PSMG4: variants seen among roughly 807,000 people sequenced by gnomAD.
The protein encoded by PSMG4 is proteasome (prosome, macropain) assembly chaperone 4.
A neutral mutation model predicts 11.0 loss-of-function variants in PSMG4; 10 were observed. The observed-to-expected ratio is 0.91, with a 90% CI of 0.56 to 1.54. The LOEUF (loss-of-function observed/expected upper bound fraction) is 1.54, where lower values mean the gene tolerates loss of function less well. Among genes scored for constraint, PSMG4 ranks in the 40% most tolerant of loss-of-function variants. PSMG4 has a pLI of 0.00. For missense variants in PSMG4, 198 were observed against 160.9 expected (o/e 1.23, Z -1.25); for synonymous variants, 95 against 71.3 (o/e 1.33, Z -1.68).
At chr6:3,255,038 A>AT (rs528094237), upstream of PSMG4, 120 of 1,549,664 alleles carry the variant, frequency 7.7e-5, no homozygotes, top group Non-Finnish European at 9.9e-5. Context: ...GCGCTTTCTG[A>AT]TTCTCTGGAC....
chr6:3,258,872 C>G, upstream of PSMG4: 2 of 728,896 alleles, frequency 2.7e-6, no homozygotes, highest in Non-Finnish European at 1.9e-6. Context: ...CCCGGGATCG[C>G]CCCTCCCCGA....
upstream of PSMG4, among the ~76,000 whole-genome samples, chr6:3,257,568 T>C (rs879578374): frequency 6.6e-6 from 1 of 152,064 alleles, no homozygotes; most frequent in Non-Finnish European, 1.5e-5. Flanking sequence ...TGCTTAGTAA[T>C]ACAAAGACAC....
upstream of PSMG4, among the ~76,000 whole-genome samples, chr6:3,256,013 T>C (rs1016535285): frequency 6.6e-6 from 1 of 152,216 alleles, no homozygotes. Context: ...TGCTTCTTGG[T>C]TGGGTTTATA....
At chr6:3,254,670 C>T (rs180706924), upstream of PSMG4, among the ~76,000 whole-genome samples, 16 of 152,208 alleles carry the variant, frequency 1.1e-4, no homozygotes, top group African/African-American at 2.9e-4. Flanking sequence ...CTTCAAGCTG[C>T]GAAACCACTA....
At chr6:3,255,398 C>T (rs1451527136), upstream of PSMG4, among the ~76,000 whole-genome samples, 1 of 152,192 alleles carries the variant, frequency 6.6e-6, no homozygotes, top group African/African-American at 2.4e-5. Flanking sequence ...GATAACATGA[C>T]AAGGATTTTC....
At chr6:3,260,685 A>G (rs1757958002) in intron 1 of PSMG4, among the ~76,000 whole-genome samples, 1 of 152,236 alleles carries the variant, frequency 6.6e-6, no homozygotes, top group Admixed American at 6.5e-5. Context: ...GTTTACAAAC[A>G]AGGTCACATT....
chr6:3,262,880 T>G (rs1758046226), intron 1 of PSMG4, among the ~76,000 whole-genome samples: 1 of 152,098 alleles, frequency 6.6e-6, no homozygotes, highest in African/African-American at 2.4e-5. Context: ...AGATCTTACT[T>G]CATTGTCCAG....
At chr6:3,265,797 C>T (rs1248764777) in intron 2 of PSMG4, 1 of 152,254 alleles carries the variant, frequency 6.6e-6, no homozygotes. Context: ...GCACAACTCT[C>T]CGCCTCGGGG....
rs1392143869 is a variant in PSMG4 at position 3,258,989 on chromosome 6, G to A, written c.-34G>A. 5.6e-6 allele frequency: 7 copies of A among 1,239,682 alleles called. No homozygotes were observed. Among genetic ancestry groups the A allele is most frequent in the Admixed American group, 4.2e-5 (1 of 23,692 alleles). The allele number at this position is 1,239,682 out of a possible 1,614,324, so 76.8% of individuals were successfully genotyped here. On this transcript the variant is annotated 5_prime_UTR_variant, in exon 1 of 3. Transcript: ENST00000438998. ...GGGGCTGGCAGCGGCGAGGACCCGGGTCTGGCGCTGTGGGCCGGGAGCCGT... is the reference window on the plus strand; with the variant it reads ...GGGGCTGGCAGCGGCGAGGACCCGGATCTGGCGCTGTGGGCCGGGAGCCGT...
chr6:3,260,277 G>T (rs4959784), intron 1 of PSMG4, among the ~76,000 whole-genome samples: 78,980 of 109,686 alleles, frequency 0.72, 29,567 homozygotes, highest in Non-Finnish European at 0.82. Context: ...GTCTTAAATT[G>T]TATATATATA....
intron 2 of PSMG4, chr6:3,264,064 A>G (rs1758093725): frequency 6.9e-7 from 1 of 1,443,216 alleles, no homozygotes; most frequent in African/African-American, 1.4e-5. Flanking sequence ...ACCTCCTGGG[A>G]GGAGAGCATG....
chr6:3,264,361 AGTGCCT>A, intron 2 of PSMG4: 1 of 1,538,208 alleles, frequency 6.5e-7, no homozygotes, highest in Non-Finnish European at 8.8e-7. Flanking sequence ...CCCCAGCCCC[AGTGCCT>A]GTGGCCAGTG....
Position 3,263,775 on chromosome 6 carries a change from T to G in PSMG4, c.250+16T>G, listed in dbSNP as rs1248185135. ...CAGCGCCTAGGTATGTACCCACAGCTGGCGCTGCATGGCCAGCCAGGTGGG... is the reference window on the plus strand; with the variant it reads ...CAGCGCCTAGGTATGTACCCACAGCGGGCGCTGCATGGCCAGCCAGGTGGG... On this transcript the variant is annotated intron_variant, in intron 2 of 2. Transcript: ENST00000438998. 5 of 1,547,196 alleles carry G rather than the reference T, an allele frequency of 3.2e-6. No homozygotes were observed. Among genetic ancestry groups the G allele is most frequent in the Non-Finnish European group, 4.4e-6 (5 of 1,144,592 alleles).
intron 1 of PSMG4, among the ~76,000 whole-genome samples, chr6:3,260,291 A>ATATTTTTTTTTTTTTTTTTTTT: frequency 4.2e-5 from 3 of 70,842 alleles, no homozygotes; most frequent in African/African-American, 1.1e-4. Context: ...ATATATATAT[A>ATATTTTTTTTTTTTTTTTTTTT]TTTTTTTTTT....
intron 2 of PSMG4, chr6:3,264,316 T>C: frequency 6.4e-7 from 1 of 1,550,654 alleles, no homozygotes; most frequent in South Asian, 1.2e-5. Flanking sequence ...ACACACTTCC[T>C]GTGGGCCAGG....
chr6:3,263,723 T>TC lies in PSMG4; in HGVS notation c.216dup (p.Asp73ArgfsTer24). ...GTCTACCTCCCTCCTTGGAGACACT[T>TC]CCGACACGACCTCTACTGGCCTTGC... is the stretch of plus-strand genomic sequence containing the variant. On this transcript the variant is annotated frameshift_variant, in exon 2 of 3. Transcript: ENST00000438998. LOFTEE classifies it high-confidence loss of function. 1.9e-6 allele frequency: 3 copies of TC among 1,551,200 alleles called. No homozygotes were observed. Among genetic ancestry groups the TC allele is most frequent in the Non-Finnish European group, 2.6e-6 (3 of 1,146,746 alleles).
upstream of PSMG4, among the ~76,000 whole-genome samples, chr6:3,254,844 A>G (rs1373904826): frequency 6.6e-6 from 1 of 152,236 alleles, no homozygotes; most frequent in Non-Finnish European, 1.5e-5. Context: ...CTTAGAAAAC[A>G]CTTTAACTCA....
chr6:3,256,902 G>A (rs890715986), upstream of PSMG4, among the ~76,000 whole-genome samples: 1 of 152,166 alleles, frequency 6.6e-6, no homozygotes, highest in African/African-American at 2.4e-5. Flanking sequence ...TTTTTTTGAA[G>A]TGGACCTAGG....
upstream of PSMG4, chr6:3,255,281 CT>C (rs1757721812): frequency 8.5e-6 from 13 of 1,536,098 alleles, no homozygotes; most frequent in Middle Eastern, 2.3e-4. Flanking sequence ...TCTTACGGGT[CT>C]ATCGGTGCCC....
Sources: gnomAD v4.1 joint callset for allele counts (sites outside exome capture counted in the v4.1 genomes callset) on GRCh38, gnomAD v4.1.1 for gene constraint, MANE v1.5 for transcripts, NCBI Gene and HGNC (gene_info 2026-07-23, HGNC 2026-07-21) for gene names.